VPS54: variants seen among roughly 807,000 people sequenced by gnomAD.
VPS54 encodes the protein VPS54 subunit of GARP complex.
A neutral mutation model predicts 121.5 loss-of-function variants in VPS54; 45 were observed. That is an observed-to-expected ratio of 0.37 (90% confidence interval 0.29 to 0.47). The LOEUF is 0.47. Ranked by LOEUF, VPS54 falls within the 20% of genes least tolerant of loss-of-function variation. The pLI is 0.99. For missense variants in VPS54, 1,090 were observed against 1,131.4 expected (o/e 0.96, Z 0.52); for synonymous variants, 371 against 385.8 (o/e 0.96, Z 0.45).
rs141911520 is a variant in VPS54 at position 63,988,237 on chromosome 2, A to C, written c.-20-4218T>G. ...GGTTTTTATTATGAAAGGATGTTTA[A>C]TTTTATGACATGCTTTTTAAGAATC... is the stretch of plus-strand genomic sequence containing the variant. On this transcript the variant is annotated intron_variant, in intron 1 of 22. Transcript: ENST00000272322. Among the ~76,000 whole-genome samples, 17 of 152,296 alleles carry C rather than the reference A, an allele frequency of 1.1e-4. No homozygotes were observed. The East Asian group carries it at 3.1e-3, about 28-fold the overall frequency.
At chr2:63,958,025 T>C (rs765110722) in intron 7 of VPS54, among the ~76,000 whole-genome samples, 4 of 151,872 alleles carry the variant, frequency 2.6e-5, no homozygotes, top group Non-Finnish European at 4.4e-5. Context: ...ACAATGATTA[T>C]AGACAGGAAA....
intron 5 of VPS54, among the ~76,000 whole-genome samples, chr2:63,966,733 T>C (rs909177848): frequency 2.6e-5 from 4 of 152,214 alleles, no homozygotes; most frequent in African/African-American, 4.8e-5. Context: ...AAACCCTTCA[T>C]TGTTTTTCTG....
At chr2:63,946,153 C>T (rs1674967382) in intron 9 of VPS54, among the ~76,000 whole-genome samples, 1 of 152,100 alleles carries the variant, frequency 6.6e-6, no homozygotes, top group Admixed American at 6.6e-5. Flanking sequence ...GTATACTTTT[C>T]TGTGTCTGGT....
chr2:63,998,791 G>A (rs1677732371), intron 1 of VPS54, among the ~76,000 whole-genome samples: 1 of 151,328 alleles, frequency 6.6e-6, no homozygotes, highest in African/African-American at 2.4e-5. Flanking sequence ...ATTTTTTATT[G>A]GCCCCTTTTA....
chr2:63,919,826 T>C (rs1673556879), intron 15 of VPS54, 57 bp downstream of exon 15: 5 of 1,303,380 alleles, frequency 3.8e-6, no homozygotes, highest in Non-Finnish European at 5.2e-6. Context: ...TAAGCATTAA[T>C]ACAAAATAAA....
chr2:63,913,216 T>A lies in VPS54; in HGVS notation c.2422+7A>T, dbSNP rs1176750474. 3 of 1,607,944 alleles carry A rather than the reference T, an allele frequency of 1.9e-6. No individual in the cohort carries two copies. The highest frequency in any genetic ancestry group is 2.5e-6 in the Non-Finnish European group (3 of 1,177,490). On this transcript the variant is annotated splice_region_variant and intron_variant, in intron 18 of 22. Coordinates refer to ENST00000272322, the MANE Select transcript of VPS54 (RefSeq NM_016516.3). ...TCAGCAAGTGAATTAAACGCAAGAATCCATACCCAAATTTTTTGTAGTTAT... is the reference window on the plus strand; with the variant it reads ...TCAGCAAGTGAATTAAACGCAAGAAACCATACCCAAATTTTTTGTAGTTAT...
At chr2:63,921,184 A>G in intron 13 of VPS54, 22 bp downstream of exon 13, 1 of 1,598,288 alleles carries the variant, frequency 6.3e-7, no homozygotes. Context: ...TAAAATATAT[A>G]AAGCTTTATG....
In VPS54 at chr2:63,998,133, G is replaced by C. The variant is rs1236357946; in HGVS notation, c.-20-14114C>G. On this transcript the variant is annotated intron_variant, in intron 1 of 22. Coordinates refer to ENST00000272322, the MANE Select transcript of VPS54 (RefSeq NM_016516.3). ...TTATATATGAGTGCTCCAATAGTTA[G>C]GTGCATATATATTTACAATTGTTAT... Among the ~76,000 whole-genome samples the C allele has an allele frequency of 2.6e-5, 4 of 152,106 alleles. No individual in the cohort carries two copies. In the East Asian group the frequency reaches 7.7e-4, roughly 29 times the overall value.
intron 1 of VPS54, 62 bp downstream of exon 1, chr2:64,018,876 C>G (rs1678841391): frequency 6.6e-6 from 1 of 150,902 alleles, no homozygotes; most frequent in African/African-American, 2.4e-5. Flanking sequence ...CGGTCCCTCT[C>G]TCCGCTGTAG....
At chr2:63,916,603 T>A (rs892563336) in intron 16 of VPS54, among the ~76,000 whole-genome samples, 1 of 152,156 alleles carries the variant, frequency 6.6e-6, no homozygotes, top group East Asian at 1.9e-4. Flanking sequence ...GGGATAGCAA[T>A]AATATCATGG....
chr2:63,937,407 C>A (rs1264758312), intron 11 of VPS54, among the ~76,000 whole-genome samples: 1 of 152,126 alleles, frequency 6.6e-6, no homozygotes, highest in Non-Finnish European at 1.5e-5. Context: ...CAACATCACT[C>A]ATCATTAGAA....
chr2:63,920,650 T>C, intron 13 of VPS54, 23 bp from the exon 14 acceptor site: 2 of 1,403,960 alleles, frequency 1.4e-6, no homozygotes, highest in Non-Finnish European at 1.9e-6. Flanking sequence ...ACAAAAATCA[T>C]GAGAGTTAGT....
At chr2:63,899,702 G>A in intron 20 of VPS54, 121 bp from the exon 21 acceptor site, 1 of 761,992 alleles carries the variant, frequency 1.3e-6, no homozygotes, top group Admixed American at 2.7e-5. Flanking sequence ...TAGTACTTAA[G>A]CTTACACTTT....
intron 1 of VPS54, among the ~76,000 whole-genome samples, chr2:64,006,850 C>T (rs989421222): frequency 6.6e-6 from 1 of 152,082 alleles, no homozygotes; most frequent in African/African-American, 2.4e-5. Context: ...AACTCCTGAC[C>T]TCAGGTGATC....
chr2:63,949,032 C>A lies in VPS54; in HGVS notation c.1137+5G>T, dbSNP rs1427598865. The A allele has an allele frequency of 8.7e-6, 14 of 1,609,912 alleles. No individual in the cohort carries two copies. The highest frequency in any genetic ancestry group is 1.2e-5 in the Non-Finnish European group (14 of 1,178,742). ...TCAACTTCATTCCACAGTTAAAACA[C>A]ATACCTCTTCTAAAACTTGACAGTC... On this transcript the variant is annotated splice_donor_5th_base_variant and intron_variant, in intron 8 of 22. Transcript: ENST00000272322.
intron 11 of VPS54, among the ~76,000 whole-genome samples, chr2:63,937,527 C>T (rs560770947): frequency 1.3e-5 from 2 of 152,070 alleles, no homozygotes; most frequent in Non-Finnish European, 2.9e-5. Flanking sequence ...AAAACTGAAA[C>T]CCTGCACTAT....
At chr2:63,948,766 T>C (rs1675107782) in intron 8 of VPS54, among the ~76,000 whole-genome samples, 1 of 152,176 alleles carries the variant, frequency 6.6e-6, no homozygotes, top group Non-Finnish European at 1.5e-5. Context: ...TATAAATTAA[T>C]TCATCCTATA....
At chr2:63,996,952 T>C (rs1012737252) in intron 1 of VPS54, among the ~76,000 whole-genome samples, 4 of 152,268 alleles carry the variant, frequency 2.6e-5, no homozygotes, top group Admixed American at 6.5e-5. Context: ...CCTTTGAAAA[T>C]TGCTAATAAA....
At chr2:63,930,362 C>A (rs1160248500) in intron 12 of VPS54, among the ~76,000 whole-genome samples, 1 of 152,006 alleles carries the variant, frequency 6.6e-6, no homozygotes, top group Non-Finnish European at 1.5e-5. Flanking sequence ...GTTTGACATT[C>A]ATAAATCAAT....
Sources: allele counts gnomAD v4.1 joint callset (sites outside exome capture counted in the v4.1 genomes callset), GRCh38; gene constraint gnomAD v4.1.1; transcripts MANE v1.5; gene names NCBI Gene and HGNC (gene_info 2026-07-23, HGNC 2026-07-21).